Variants in ROBO2 observed in about 807,000 individuals in gnomAD.
The protein encoded by ROBO2 is roundabout homolog 2.
A neutral mutation model predicts 160.8 loss-of-function variants in ROBO2; 53 were observed. The observed-to-expected ratio is 0.33, with a 90% CI of 0.26 to 0.41. The LOEUF is 0.41. ROBO2 is among the 10% of genes least tolerant of loss of function. The pLI is 1.00. For missense variants in ROBO2, 1,577 were observed against 1,722.4 expected (o/e 0.92, Z 1.49); for synonymous variants, 664 against 611.7 (o/e 1.09, Z -1.26).
chr3:76,916,075 G>T (rs2148959717), intron 2 of ROBO2, among the ~76,000 whole-genome samples: 1 of 152,240 alleles, frequency 6.6e-6, no homozygotes, highest in Non-Finnish European at 1.5e-5. Flanking sequence ...GGAGGGTTAG[G>T]GTTTCAATAT....
intron 2 of ROBO2, among the ~76,000 whole-genome samples, chr3:75,939,699 G>T (rs1947954396): frequency 6.6e-6 from 1 of 152,044 alleles, no homozygotes; most frequent in Non-Finnish European, 1.5e-5. Flanking sequence ...ATAATTGCAA[G>T]TATAACCCAA....
intron 2 of ROBO2, among the ~76,000 whole-genome samples, chr3:76,506,753 A>G (rs1285355715): frequency 1.3e-5 from 2 of 152,224 alleles, no homozygotes; most frequent in Admixed American, 6.5e-5. Flanking sequence ...AACATAAAAT[A>G]CAATCTGTTC....
At chr3:76,894,699 T>C (rs1650454743) in intron 2 of ROBO2, among the ~76,000 whole-genome samples, 2 of 152,150 alleles carry the variant, frequency 1.3e-5, no homozygotes. Flanking sequence ...AAAGTTTTTC[T>C]GGCCAATTTT....
At chr3:76,043,428 C>T (rs1336839136) in intron 2 of ROBO2, among the ~76,000 whole-genome samples, 1 of 151,568 alleles carries the variant, frequency 6.6e-6, no homozygotes. Flanking sequence ...GAAAGCACAA[C>T]CCCAAAGCTT....
intron 9 of ROBO2, among the ~76,000 whole-genome samples, chr3:77,561,891 G>T (rs2093332788): frequency 6.6e-6 from 1 of 151,922 alleles, no homozygotes; most frequent in African/African-American, 2.4e-5. Context: ...GTCACCTGAG[G>T]TCAAGAGTTC....
chr3:76,695,050 C>T (rs1452993003), intron 2 of ROBO2, among the ~76,000 whole-genome samples: 1 of 152,030 alleles, frequency 6.6e-6, no homozygotes, highest in Non-Finnish European at 1.5e-5. Flanking sequence ...ATTGCAGTGA[C>T]CCGAGATAGT....
intron 2 of ROBO2, among the ~76,000 whole-genome samples, chr3:75,996,665 C>T (rs746189803): frequency 6.6e-6 from 1 of 152,116 alleles, no homozygotes; most frequent in Non-Finnish European, 1.5e-5. Flanking sequence ...TGATAGTATA[C>T]ACTGTACAAA....
At chr3:77,334,799 G>A (rs9868442) in intron 2 of ROBO2, among the ~76,000 whole-genome samples, 14,287 of 152,110 alleles carry the variant, frequency 0.094, 839 homozygotes, top group East Asian at 0.3. Context: ...CACTTATTAG[G>A]CCTTATAATT....
intron 15 of ROBO2, among the ~76,000 whole-genome samples, chr3:77,578,877 T>G (rs1440593587): frequency 1.3e-5 from 2 of 152,214 alleles, no homozygotes; most frequent in Non-Finnish European, 2.9e-5. Flanking sequence ...TTGTTACTTT[T>G]TTTTACAACA....
At chr3:76,429,886 T>G in intron 2 of ROBO2, among the ~76,000 whole-genome samples, 1 of 152,168 alleles carries the variant, frequency 6.6e-6, no homozygotes. Flanking sequence ...AATCTGCTCC[T>G]GACTCAGGAC....
intron 2 of ROBO2, among the ~76,000 whole-genome samples, chr3:76,139,680 T>C (rs1330873165): frequency 6.6e-6 from 1 of 152,022 alleles, no homozygotes; most frequent in Non-Finnish European, 1.5e-5. Flanking sequence ...AAAAAGCAGT[T>C]ATAAAACCTT....
chr3:77,320,932 A>G (rs1344077164), intron 2 of ROBO2, among the ~76,000 whole-genome samples: 5 of 152,210 alleles, frequency 3.3e-5, no homozygotes, highest in African/African-American at 7.2e-5. Context: ...CCAAATTCAT[A>G]ATCTTAGGTA....
At chr3:77,185,288 G>T (rs141560034) in intron 2 of ROBO2, among the ~76,000 whole-genome samples, 1 of 152,064 alleles carries the variant, frequency 6.6e-6, no homozygotes, top group East Asian at 1.9e-4. Flanking sequence ...CTTTGGAATG[G>T]TTGTTACAGA....
chr3:77,214,910 C>T (rs963870752), intron 2 of ROBO2, among the ~76,000 whole-genome samples: 19 of 151,954 alleles, frequency 1.3e-4, no homozygotes, highest in Admixed American at 1.2e-3. Context: ...TATTGGCCCC[C>T]ACTCTCTTCT....
At chr3:76,544,374 A>G (rs2082980060) in intron 2 of ROBO2, among the ~76,000 whole-genome samples, 1 of 152,096 alleles carries the variant, frequency 6.6e-6, no homozygotes, top group African/African-American at 2.4e-5. Flanking sequence ...ATGTATTTTG[A>G]AAGTCAAAAA....
rs543407356 is a variant in ROBO2, at chr3:75,970,846, G to A, written c.109+33244G>A. Among the ~76,000 whole-genome samples, 3 of 150,964 alleles carry A rather than the reference G, an allele frequency of 2.0e-5. No homozygotes were observed. The South Asian group carries it at 6.3e-4, about 32-fold the overall frequency. ...CCAAAAGCCTGTCTTATATCTAGTT[G>A]CATGTTTTCAGGAAATATGCTTTTT... On this transcript the variant is annotated intron_variant, in intron 2 of 26. Transcript: ENST00000487694.
At chr3:75,968,607 T>A (rs779698950) in intron 2 of ROBO2, among the ~76,000 whole-genome samples, 1 of 151,522 alleles carries the variant, frequency 6.6e-6, no homozygotes, top group African/African-American at 2.4e-5. Context: ...ACCTAAAAAA[T>A]ATACTTTTAG....
At chr3:77,565,184 G>A (rs1582981759) in intron 12 of ROBO2, 64 bp downstream of exon 13, 2 of 1,561,106 alleles carry the variant, frequency 1.3e-6, no homozygotes, top group Non-Finnish European at 1.8e-6. Context: ...TAAGAACGAG[G>A]GGCTTGATGA....
chr3:76,005,888 C>A (rs1019912059), intron 2 of ROBO2, among the ~76,000 whole-genome samples: 3 of 152,088 alleles, frequency 2.0e-5, no homozygotes, highest in African/African-American at 4.8e-5. Context: ...TTTCATATTT[C>A]TTTTTTCAGT....
Sources: gnomAD v4.1 joint callset for allele counts (sites outside exome capture counted in the v4.1 genomes callset) on GRCh38, gnomAD v4.1.1 for gene constraint, MANE v1.5 for transcripts, NCBI Gene and HGNC (gene_info 2026-07-23, HGNC 2026-07-21) for gene names.